Variants in RALYL observed in about 807,000 individuals in gnomAD.
The protein encoded by RALYL is RALY RNA binding protein like, also known as RNA-binding Raly-like protein.
In RALYL, 29 loss-of-function variants were observed where a neutral mutation model predicts 35.1. The ratio of observed to expected loss-of-function variants is 0.83; its 90% confidence interval spans 0.61 to 1.13. RALYL has a LOEUF of 1.13. Ranked by LOEUF, RALYL falls within the 50% of genes most tolerant of loss-of-function variation. RALYL has a pLI of 0.00. For synonymous variants in RALYL, 120 were observed against 127.6 expected, an observed-to-expected ratio of 0.94 and a Z score of 0.40; for missense variants, 359 against 360.4, an observed-to-expected ratio of 1.00 and a Z score of 0.03.
chr8:84,750,756 C>T (rs779350789), intron 2 of RALYL, among the ~76,000 whole-genome samples: 1 of 152,070 alleles, frequency 6.6e-6, no homozygotes, highest in Non-Finnish European at 1.5e-5. Context: ...GCCCCCTTAC[C>T]ATGTGATGGC....
chr8:84,900,266 C>G (rs999564049), intron 8 of RALYL, among the ~76,000 whole-genome samples: 9 of 152,084 alleles, frequency 5.9e-5, no homozygotes, highest in African/African-American at 1.7e-4. Context: ...AGTTACTTTT[C>G]TAAAAATGCT....
At chr8:84,287,835 A>C (rs1474385403) in intron 1 of RALYL, among the ~76,000 whole-genome samples, 1 of 152,172 alleles carries the variant, frequency 6.6e-6, no homozygotes, top group African/African-American at 2.4e-5. Flanking sequence ...GAAAGATATA[A>C]AATATTTTCA....
chr8:84,472,360 A>G (rs768947114), intron 1 of RALYL, among the ~76,000 whole-genome samples: 23 of 152,168 alleles, frequency 1.5e-4, no homozygotes, highest in Admixed American at 6.5e-4. Context: ...CAAAATCCCT[A>G]GTGAGTTCAA....
intron 2 of RALYL, among the ~76,000 whole-genome samples, chr8:84,576,440 A>G (rs1428938035): frequency 6.6e-6 from 1 of 152,238 alleles, no homozygotes; most frequent in Non-Finnish European, 1.5e-5. Flanking sequence ...GATTTTGTAG[A>G]CAAATCACTA....
intron 1 of RALYL, among the ~76,000 whole-genome samples, chr8:84,501,522 G>C (rs1381086928): frequency 7.9e-5 from 12 of 151,876 alleles, no homozygotes; most frequent in Admixed American, 7.9e-4. Context: ...TGATGTCATG[G>C]TCATTTCCAT....
chr8:84,231,385 A>G (rs1341549388), intron 1 of RALYL, among the ~76,000 whole-genome samples: 1 of 152,220 alleles, frequency 6.6e-6, no homozygotes, highest in Non-Finnish European at 1.5e-5. Flanking sequence ...TTTTATTCAC[A>G]TTAATCACAT....
intron 1 of RALYL, among the ~76,000 whole-genome samples, chr8:84,527,633 T>A (rs2058996676): frequency 3.9e-5 from 6 of 152,198 alleles, no homozygotes; most frequent in Admixed American, 3.9e-4. Context: ...TGATTTTTCT[T>A]GTTTCATTAA....
intron 2 of RALYL, among the ~76,000 whole-genome samples, chr8:84,570,030 A>T (rs1322631509): frequency 6.6e-6 from 1 of 151,858 alleles, no homozygotes; most frequent in East Asian, 1.9e-4. Flanking sequence ...TGATGCCTCC[A>T]TATTTCTTCT....
intron 1 of RALYL, chr8:84,185,143 G>C: frequency 3.2e-6 from 3 of 925,732 alleles, no homozygotes; most frequent in Non-Finnish European, 5.3e-6. Flanking sequence ...TCTTCCAGGG[G>C]ATGGGGAAAT....
chr8:84,448,093 C>A (rs207469476), intron 1 of RALYL, among the ~76,000 whole-genome samples: 1 of 151,710 alleles, frequency 6.6e-6, no homozygotes, highest in South Asian at 2.1e-4. Context: ...CATGAGTGAC[C>A]AGGGAATAAT....
At chr8:84,222,356 T>C (rs1384450541) in intron 1 of RALYL, among the ~76,000 whole-genome samples, 1 of 152,168 alleles carries the variant, frequency 6.6e-6, no homozygotes, top group African/African-American at 2.4e-5. Flanking sequence ...ACTAATTTTA[T>C]TTATGTAGAA....
At chr8:84,889,003 G>A (rs1252989699) in intron 8 of RALYL, among the ~76,000 whole-genome samples, 1 of 152,106 alleles carries the variant, frequency 6.6e-6, no homozygotes, top group Non-Finnish European at 1.5e-5. Context: ...GCCCACCTCG[G>A]CCTCCCAAAG....
At chr8:84,324,089 G>A (rs1047944425) in intron 1 of RALYL, among the ~76,000 whole-genome samples, 5 of 151,934 alleles carry the variant, frequency 3.3e-5, no homozygotes, top group African/African-American at 4.8e-5. Flanking sequence ...GATAGTGTGT[G>A]GGCTGTGAAT....
chr8:84,691,050 A>C (rs1445627055), intron 2 of RALYL, among the ~76,000 whole-genome samples: 1 of 152,144 alleles, frequency 6.6e-6, no homozygotes, highest in Non-Finnish European at 1.5e-5. Context: ...ATCTCCAAGC[A>C]TTTTATAGTA....
chr8:84,712,012 C>A (rs1159729501), intron 2 of RALYL, among the ~76,000 whole-genome samples: 1 of 151,886 alleles, frequency 6.6e-6, no homozygotes, highest in Non-Finnish European at 1.5e-5. Context: ...TAAGTTTATA[C>A]CAGAAAAAAC....
intron 2 of RALYL, among the ~76,000 whole-genome samples, chr8:84,767,284 T>A (rs114039255): frequency 6.6e-6 from 1 of 152,196 alleles, no homozygotes; most frequent in Non-Finnish European, 1.5e-5. Flanking sequence ...TTTATAGTTA[T>A]ATCTGTCACG....
intron 1 of RALYL, among the ~76,000 whole-genome samples, chr8:84,348,199 A>G (rs147560050): frequency 0.013 from 2,004 of 152,228 alleles, 19 homozygotes; most frequent in Middle Eastern, 0.027. Context: ...ATATATAGGC[A>G]GCTTTAAGAC....
At chr8:84,799,690 C>T (rs1307889592) in intron 3 of RALYL, among the ~76,000 whole-genome samples, 1 of 152,258 alleles carries the variant, frequency 6.6e-6, no homozygotes, top group Non-Finnish European at 1.5e-5. Context: ...GGTGCGCTGG[C>T]TCACGCCTGT....
At chr8:84,669,480 T>TC (rs1299255982) in intron 2 of RALYL, among the ~76,000 whole-genome samples, 368 of 8,458 alleles carry the variant, frequency 0.044, 1 homozygote, top group Middle Eastern at 0.25. Flanking sequence ...ATCTTCTCCC[T>TC]CCCCCCTCCC....
Sources: gnomAD v4.1 joint callset for allele counts (sites outside exome capture counted in the v4.1 genomes callset) on GRCh38, gnomAD v4.1.1 for gene constraint, MANE v1.5 for transcripts, NCBI Gene and HGNC (gene_info 2026-07-23, HGNC 2026-07-21) for gene names.